Variants in CSTPP1 observed in about 807,000 individuals in gnomAD.
The protein encoded by CSTPP1 is UPF0705 protein C11orf49.
At chr11:47,067,688 C>T in the CSTPP1 span, among the ~76,000 whole-genome samples, 1 of 152,194 alleles carries the variant, frequency 6.6e-6, no homozygotes, top group African/African-American at 2.4e-5. Flanking sequence ...ACTCTGCTGG[C>T]ACCTTGATCT....
chr11:47,051,121 A>C, the CSTPP1 span, among the ~76,000 whole-genome samples: 1 of 151,554 alleles, frequency 6.6e-6, no homozygotes, highest in Non-Finnish European at 1.5e-5. Flanking sequence ...CCCCCTTTAT[A>C]TGGTCAACAA....
the CSTPP1 span, among the ~76,000 whole-genome samples, chr11:47,107,131 T>C: frequency 1.3e-5 from 2 of 152,156 alleles, no homozygotes; most frequent in African/African-American, 4.8e-5. Context: ...AGTCGGGATG[T>C]TTGCAAGAGC....
chr11:47,108,413 G>A, the CSTPP1 span, among the ~76,000 whole-genome samples: 1 of 152,166 alleles, frequency 6.6e-6, no homozygotes, highest in East Asian at 1.9e-4. Context: ...CTGGCGCTTC[G>A]CCTGATTTCT....
chr11:47,138,720 G>A, the CSTPP1 span, among the ~76,000 whole-genome samples: 1 of 151,934 alleles, frequency 6.6e-6, no homozygotes, highest in Non-Finnish European at 1.5e-5. Flanking sequence ...GCTCACGCCT[G>A]TAATCCCAGC....
chr11:46,940,206 T>G, the CSTPP1 span, among the ~76,000 whole-genome samples: 1 of 152,190 alleles, frequency 6.6e-6, no homozygotes, highest in Non-Finnish European at 1.5e-5. Flanking sequence ...GGGAGCTTCT[T>G]CGTTCTTCAT....
At chr11:46,978,018 C>A in the CSTPP1 span, among the ~76,000 whole-genome samples, 1 of 152,098 alleles carries the variant, frequency 6.6e-6, no homozygotes, top group Admixed American at 6.5e-5. Context: ...GAGGCACAGT[C>A]CTAAAGTGGT....
At chr11:47,019,175 T>C in the CSTPP1 span, among the ~76,000 whole-genome samples, 1 of 151,912 alleles carries the variant, frequency 6.6e-6, no homozygotes, top group South Asian at 2.1e-4. Flanking sequence ...GCCTGCCTAA[T>C]TTTTTTGTAT....
chr11:47,018,484 G>A, the CSTPP1 span, among the ~76,000 whole-genome samples: 2 of 151,814 alleles, frequency 1.3e-5, no homozygotes, highest in African/African-American at 2.4e-5. Flanking sequence ...TAGTAGTTAC[G>A]GGGTTTCACC....
At chr11:47,093,297 G>C in the CSTPP1 span, among the ~76,000 whole-genome samples, 1 of 152,226 alleles carries the variant, frequency 6.6e-6, no homozygotes, top group Non-Finnish European at 1.5e-5. Context: ...GACTTAAGCT[G>C]AGTTTGGGCA....
At chr11:47,135,553 C>G in the CSTPP1 span, among the ~76,000 whole-genome samples, 3 of 152,212 alleles carry the variant, frequency 2.0e-5, no homozygotes, top group Admixed American at 6.5e-5. Flanking sequence ...CAGAAATCAT[C>G]TGCCCTTGAC....
At chr11:47,043,508 C>T in the CSTPP1 span, among the ~76,000 whole-genome samples, 17 of 152,254 alleles carry the variant, frequency 1.1e-4, no homozygotes, top group Admixed American at 6.5e-4. Flanking sequence ...GAGCCATAAG[C>T]CATCCAATAC....
the CSTPP1 span, among the ~76,000 whole-genome samples, chr11:46,966,417 C>T: frequency 1.3e-5 from 2 of 152,268 alleles, no homozygotes; most frequent in Non-Finnish European, 2.9e-5. Context: ...TCCCATACTG[C>T]ACAGATGTAG....
At chr11:47,050,257 T>A in the CSTPP1 span, among the ~76,000 whole-genome samples, 3 of 152,202 alleles carry the variant, frequency 2.0e-5, no homozygotes, top group Admixed American at 2.0e-4. Context: ...CAAAGATACA[T>A]TCTACCTGGC....
the CSTPP1 span, among the ~76,000 whole-genome samples, chr11:46,962,616 C>G: frequency 0.014 from 2,192 of 152,210 alleles, 51 homozygotes; most frequent in African/African-American, 0.05. Flanking sequence ...CAACAATGTT[C>G]TATAGTTTTC....
the CSTPP1 span, among the ~76,000 whole-genome samples, chr11:47,118,548 T>G: frequency 6.6e-6 from 1 of 152,190 alleles, no homozygotes; most frequent in African/African-American, 2.4e-5. Context: ...TTTTTAGAAT[T>G]TTCAGCTTTT....
the CSTPP1 span, chr11:47,157,264 C>T: frequency 7.9e-6 from 12 of 1,515,340 alleles, no homozygotes; most frequent in Admixed American, 2.2e-5. Flanking sequence ...CCCAGGGGGT[C>T]GGACTGCTGG....
At chr11:47,025,441 A>C in the CSTPP1 span, among the ~76,000 whole-genome samples, 1 of 152,238 alleles carries the variant, frequency 6.6e-6, no homozygotes, top group Non-Finnish European at 1.5e-5. Flanking sequence ...ATTATTTTGA[A>C]TTATAATCAA....
chr11:47,081,207 C>A, the CSTPP1 span, among the ~76,000 whole-genome samples: 1 of 151,776 alleles, frequency 6.6e-6, no homozygotes, highest in Non-Finnish European at 1.5e-5. Flanking sequence ...CTAAAAAAAA[C>A]CAATAGGACT....
the CSTPP1 span, chr11:46,947,931 T>G: frequency 2.5e-6 from 1 of 407,964 alleles, no homozygotes. Context: ...ATTGCCACTT[T>G]TTTTTTTTCC....
Sources: allele counts gnomAD v4.1 joint callset (sites outside exome capture counted in the v4.1 genomes callset), GRCh38; gene constraint gnomAD v4.1.1; transcripts MANE v1.5; gene names NCBI Gene and HGNC (gene_info 2026-07-23, HGNC 2026-07-21).